Variants in RSF1 observed in about 807,000 individuals in gnomAD.
The protein encoded by RSF1 is HBV pX-associated protein 8.
RSF1 carries 13 observed loss-of-function variants against 145.2 expected under a neutral mutation model. The ratio of observed to expected loss-of-function variants is 0.09; its 90% CI spans 0.06 to 0.14. The LOEUF (loss-of-function observed/expected upper bound fraction) is 0.14, where lower values mean the gene tolerates loss of function less well. RSF1 is among the 10% of genes least tolerant of loss of function. The pLI, the probability that RSF1 is intolerant of heterozygous loss-of-function variation, is 1.00. For synonymous variants in RSF1, 577 were observed against 592.6 expected (o/e 0.97, Z 0.38); for missense variants, 1,517 against 1,718.2 (o/e 0.88, Z 2.07).
intron 1 of RSF1, among the ~76,000 whole-genome samples, chr11:77,777,036 T>G (rs1050874037): frequency 6.6e-6 from 1 of 152,076 alleles, no homozygotes; most frequent in Admixed American, 6.6e-5. Flanking sequence ...AAGGACAGAC[T>G]AGTACAATAA....
chr11:77,774,140 C>A (rs1160311733), intron 1 of RSF1, among the ~76,000 whole-genome samples: 1 of 152,186 alleles, frequency 6.6e-6, no homozygotes, highest in East Asian at 1.9e-4. Flanking sequence ...TAAGCACAGC[C>A]ACCTGCCTTT....
intron 1 of RSF1, among the ~76,000 whole-genome samples, chr11:77,782,278 C>G (rs1444852920): frequency 6.6e-6 from 1 of 152,168 alleles, no homozygotes; most frequent in African/African-American, 2.4e-5. Context: ...TGGTGGCTCA[C>G]GCCTGTAATC....
chr11:77,669,702 T>G (rs935222757), intron 15 of RSF1, among the ~76,000 whole-genome samples: 1 of 152,208 alleles, frequency 6.6e-6, no homozygotes, highest in Non-Finnish European at 1.5e-5. Context: ...CAGCACTATT[T>G]ATCATCAGAG....
chr11:77,705,768 G>A (rs531601626), intron 5 of RSF1, among the ~76,000 whole-genome samples: 1 of 151,900 alleles, frequency 6.6e-6, no homozygotes, highest in East Asian at 1.9e-4. Context: ...TACGTGGGAG[G>A]ATTGCTTGAG....
chr11:77,793,466 C>A (rs774644132), intron 1 of RSF1, among the ~76,000 whole-genome samples: 6 of 151,992 alleles, frequency 3.9e-5, no homozygotes, highest in Non-Finnish European at 8.8e-5. Flanking sequence ...GCCTGGGTGA[C>A]AGGAGAGATC....
Position 77,666,707 on chromosome 11 carries a change from A to G in RSF1, c.*210T>C, listed in dbSNP as rs1217804263. On this transcript the variant is annotated 3_prime_UTR_variant, in exon 16 of 16. Coordinates refer to ENST00000308488, the MANE Select transcript of RSF1 (RefSeq NM_016578.4). ...TACCAAGGACCATGAACCTGGAAAA[A>G]GAAAATCAAAAGGAATTTACAGCAA... 5.1e-6 allele frequency: 2 copies of G among 391,722 alleles called. No homozygotes were observed. Among genetic ancestry groups the G allele is most frequent in the Non-Finnish European group, 9.0e-6 (2 of 221,884 alleles). The allele number at this position is 391,722 out of a possible 1,614,324, so 24.3% of individuals were successfully genotyped here.
chr11:77,696,602 C>T (rs1221132545), intron 7 of RSF1, among the ~76,000 whole-genome samples: 3 of 152,192 alleles, frequency 2.0e-5, no homozygotes, highest in Non-Finnish European at 4.4e-5. Flanking sequence ...TTCATTACAG[C>T]AGCCATTGCT....
chr11:77,833,196 G>GGC, the RSF1 span, among the ~76,000 whole-genome samples: 6 of 151,306 alleles, frequency 4.0e-5, no homozygotes, highest in African/African-American at 1.2e-4. Flanking sequence ...TTTTAGTAGA[G>GGC]ATGGGGTTTT....
At chr11:77,718,912 A>C (rs1388543974) in intron 5 of RSF1, among the ~76,000 whole-genome samples, 1 of 152,230 alleles carries the variant, frequency 6.6e-6, no homozygotes, top group East Asian at 1.9e-4. Flanking sequence ...CATCACATTA[A>C]TAATGATCAA....
intron 7 of RSF1, among the ~76,000 whole-genome samples, 153 bp downstream of exon 7, chr11:77,698,334 G>T (rs1469528545): frequency 6.6e-6 from 1 of 152,064 alleles, no homozygotes; most frequent in Non-Finnish European, 1.5e-5. Context: ...CTACAATTAG[G>T]TTATATGAGA....
chr11:77,870,653 T>C, the RSF1 span, among the ~76,000 whole-genome samples: 1 of 152,070 alleles, frequency 6.6e-6, no homozygotes, highest in Admixed American at 6.6e-5. Context: ...TTAATTTTCT[T>C]ACAGAAATAA....
Position 77,676,819 on chromosome 11 carries a change from C to T in RSF1, c.3314G>A (p.Ser1105Asn), listed in dbSNP as rs1323693012. 1.2e-6 allele frequency: 2 copies of T among 1,613,502 alleles called. No individual in the cohort carries two copies. Among genetic ancestry groups the T allele is most frequent in the Non-Finnish European group, 1.7e-6 (2 of 1,179,778 alleles). The change falls in exon 13 of 16, where the codon AGC (serine) becomes AAC (asparagine). Residue 1105 changes from serine (S) to asparagine (N), a missense_variant. By Grantham distance (46) the Ser-to-Asn change is conservative (BLOSUM62 1). Coordinates refer to ENST00000308488, the MANE Select transcript of RSF1 (RefSeq NM_016578.4). Reference sequence around the variant, plus strand: ...ATCACTGATCTTGAATTCATCCTCGCTCTCTTCTTCATCCAGGTTGCTATC... The same window carrying T: ...ATCACTGATCTTGAATTCATCCTCGTTCTCTTCTTCATCCAGGTTGCTATC... ...DSDSNLDEEE[S>N]EDEFKISDGS...
rs747528396 is a variant in RSF1, at chr11:77,700,885, A to G, written c.2344T>C (p.Ser782Pro). Residue 782 changes from serine to proline, a missense_variant, in exon 6 of 16, where the codon TCT (serine) becomes CCT (proline). Coordinates refer to ENST00000308488, the MANE Select transcript of RSF1 (RefSeq NM_016578.4). The part of the protein sequence containing the change: ...GRTLRRSPRI[S>P]RPTAKVAEIR... ...TCAGCCACTTTTGCAGTGGGTCTAG[A>G]TATTCTTGGAGATCTTCTTAAAGTA... The G allele has an allele frequency of 2.9e-5, 47 of 1,613,304 alleles. No individual in the cohort carries two copies. The highest frequency in any genetic ancestry group is 4.0e-5 in the Non-Finnish European group (47 of 1,179,940).
intron 5 of RSF1, among the ~76,000 whole-genome samples, chr11:77,708,099 G>A (rs528551417): frequency 1.8e-3 from 279 of 152,270 alleles, no homozygotes; most frequent in Non-Finnish European, 3.3e-3. Context: ...AGGGAGTGGA[G>A]TGACAGAATC....
intron 1 of RSF1, among the ~76,000 whole-genome samples, chr11:77,772,590 G>A (rs1437147249): frequency 6.6e-6 from 1 of 152,016 alleles, no homozygotes; most frequent in Non-Finnish European, 1.5e-5. Context: ...AAAAGCACTA[G>A]AAAGTCAGGA....
intron 9 of RSF1, among the ~76,000 whole-genome samples, chr11:77,688,998 G>A (rs1960081319): frequency 6.6e-6 from 1 of 152,196 alleles, no homozygotes; most frequent in African/African-American, 2.4e-5. Context: ...ATTGCCTTAA[G>A]GCAAGCTAAA....
At chr11:77,717,605 C>T (rs1960846018) in intron 5 of RSF1, 3 of 152,292 alleles carry the variant, frequency 2.0e-5, no homozygotes, top group Admixed American at 1.3e-4. Context: ...TATAAAACTG[C>T]AATGTATGGA....
chr11:77,688,613 C>A (rs1960070795), intron 9 of RSF1, among the ~76,000 whole-genome samples: 1 of 152,040 alleles, frequency 6.6e-6, no homozygotes, highest in Non-Finnish European at 1.5e-5. Context: ...ATCTGAAACA[C>A]AAGTAGTTTA....
chr11:77,846,072 C>G, the RSF1 span, among the ~76,000 whole-genome samples: 3 of 152,054 alleles, frequency 2.0e-5, no homozygotes, highest in African/African-American at 7.2e-5. Context: ...ATCAACTCCC[C>G]CTCCCATTCT....
Sources: allele counts gnomAD v4.1 joint callset (sites outside exome capture counted in the v4.1 genomes callset), GRCh38; gene constraint gnomAD v4.1.1; transcripts MANE v1.5; gene names NCBI Gene and HGNC (gene_info 2026-07-23, HGNC 2026-07-21).